The following TMEM79 variants were observed in gnomAD, a reference collection of about 807,000 sequenced individuals.
TMEM79 encodes mattrin.
Under a neutral mutation model 31.2 loss-of-function variants are expected in TMEM79, and 30 were observed. The ratio of observed to expected loss-of-function variants is 0.96; its 90% CI spans 0.72 to 1.30. The LOEUF is 1.30. Ranked by LOEUF, TMEM79 falls within the 50% of genes most tolerant of loss-of-function variation. The pLI is 0.00. For missense variants in TMEM79, 509 were observed against 528.2 expected (o/e 0.96, Z 0.36); for synonymous variants, 213 against 229.5 (o/e 0.93, Z 0.65).
At chr1:156,286,788 CT>C (rs1238589147) in intron 3 of TMEM79, among the ~76,000 whole-genome samples, 2 of 152,232 alleles carry the variant, frequency 1.3e-5, no homozygotes, top group African/African-American at 2.4e-5. Flanking sequence ...TGAACACCCC[CT>C]GTAACCAAAT....
rs1038202386 is a variant in TMEM79 at position 156,291,387 on chromosome 1, T to G, written c.974T>G (p.Leu325Arg). 1 of 1,613,990 alleles carries G rather than the reference T, an allele frequency of 6.2e-7. No individual in the cohort carries two copies. Among genetic ancestry groups the G allele is most frequent in the African/African-American group, 1.3e-5 (1 of 74,922 alleles). ...LLTGLFAVSR[L>R]IYWLTFAVGR... ...TGACCCTTTTCTTGCCCCCATAGGC[T>G]GATCTACTGGCTGACCTTTGCCGTG... Residue 325 changes from leucine (L) to arginine (R), a missense_variant and splice_region_variant, in exon 4 of 4, where the codon CTG (leucine) becomes CGG (arginine). Transcript: ENST00000405535.
In TMEM79 at chr1:156,285,927, C is replaced by A. The variant is rs1663145830; in HGVS notation, c.701C>A (p.Ser234Tyr). The A allele has an allele frequency of 6.2e-7, 1 of 1,604,672 alleles. No individual in the cohort carries two copies. Among genetic ancestry groups the A allele is most frequent in the African/African-American group, 1.3e-5 (1 of 74,214 alleles). Residue 234 changes from serine to tyrosine, a missense_variant, in exon 2 of 4, where the codon TCC becomes TAC. Physicochemically the swap from Ser to Tyr is moderately radical, Grantham distance 144 (BLOSUM62 -2). Transcript: ENST00000405535. ...GTCCCACGGCTGCCCACCATGAGTT[C>A]CCGCCTGATCTACACACTGCGCTGC... ...FDVPRLPTMS[S>Y]RLIYTLRCGV...
intron 2 of TMEM79, 88 bp downstream of exon 2, chr1:156,286,071 TCA>T (rs1241645593): frequency 2.4e-5 from 37 of 1,524,158 alleles, no homozygotes; most frequent in Non-Finnish European, 3.2e-5. Flanking sequence ...GGATTTCCCT[TCA>T]CTTGACCTGG....
In TMEM79 at chr1:156,285,285, A is replaced by G; in HGVS notation, c.59A>G (p.Lys20Arg). The G allele has an allele frequency of 6.4e-7, 1 of 1,571,742 alleles. No individual in the cohort carries two copies. The highest frequency in any genetic ancestry group is 8.6e-7 in the Non-Finnish European group (1 of 1,162,670). ...GTGAAGAGGTCTGATTCCCCAGAGAAGAGCTCACCCCAGGCCTTGGTTCCC... is the reference window on the plus strand; with the variant it reads ...GTGAAGAGGTCTGATTCCCCAGAGAGGAGCTCACCCCAGGCCTTGGTTCCC... ...LEVKRSDSPE[K>R]SSPQALVPNG... Residue 20 changes from lysine (K) to arginine (R), a missense_variant, in exon 2 of 4, where the codon AAG (lysine) becomes AGG (arginine). Transcript: ENST00000405535.
chr1:156,288,155 G>A (rs374097051), intron 3 of TMEM79, among the ~76,000 whole-genome samples: 29 of 146,670 alleles, frequency 2.0e-4, no homozygotes, highest in African/African-American at 5.8e-4. Context: ...CCGAGATAGC[G>A]CCACTGCAGT....
Position 156,285,617 on chromosome 1 carries a change from C to T in TMEM79, c.391C>T (p.Pro131Ser). Reference sequence around the variant, plus strand: ...TGAGAAAGCGGCCCGTGCCTTCGTGCCTATTGACCTACAGTGCATTGAGCG... The same window carrying T: ...TGAGAAAGCGGCCCGTGCCTTCGTGTCTATTGACCTACAGTGCATTGAGCG... ...LPEKAARAFV[P>S]IDLQCIERQP... The change falls in exon 2 of 4, where the codon CCT (proline) becomes TCT (serine). Residue 131 changes from proline to serine, a missense_variant. Physicochemically the swap from Pro to Ser is moderately conservative, Grantham distance 74 (BLOSUM62 -1). Transcript: ENST00000405535. 6.2e-7 allele frequency: 1 copy of T among 1,614,198 alleles called. No individual in the cohort carries two copies. Among genetic ancestry groups the T allele is most frequent in the Non-Finnish European group, 8.5e-7 (1 of 1,180,038 alleles).
At chr1:156,286,182 A>G (rs1218647185) in intron 2 of TMEM79, 78 bp from the exon 3 acceptor site, 1 of 1,473,292 alleles carries the variant, frequency 6.8e-7, no homozygotes, top group Non-Finnish European at 9.4e-7. Flanking sequence ...GCCCACAGTG[A>G]ATCTGCCCCC....
chr1:156,283,610 T>G (rs559929484), upstream of TMEM79, among the ~76,000 whole-genome samples: 1 of 152,352 alleles, frequency 6.6e-6, no homozygotes, highest in South Asian at 2.1e-4. Flanking sequence ...AAAACCTAAG[T>G]TAAAAAGCAA....
intron 1 of TMEM79, among the ~76,000 whole-genome samples, 191 bp downstream of exon 1, chr1:156,284,597 G>A (rs1284648763): frequency 6.6e-6 from 1 of 152,202 alleles, no homozygotes; most frequent in African/African-American, 2.4e-5. Context: ...TGCAGAGATG[G>A]ATGAGGTGGG....
intron 3 of TMEM79, 81 bp downstream of exon 3, chr1:156,286,554 G>T: frequency 6.9e-7 from 1 of 1,449,706 alleles, no homozygotes; most frequent in Non-Finnish European, 9.6e-7. Context: ...GAGAGCCAGG[G>T]TCAGGAGCTT....
intron 2 of TMEM79, 99 bp from the exon 3 acceptor site, chr1:156,286,161 G>A (rs1474864096): frequency 6.5e-6 from 9 of 1,393,066 alleles, no homozygotes; most frequent in Non-Finnish European, 9.0e-6. Flanking sequence ...ACTGTGTAGA[G>A]CCCATGCACT....
chr1:156,285,578 G>T lies in TMEM79; in HGVS notation c.352G>T (p.Ala118Ser). 2 of 1,614,222 alleles carry T rather than the reference G, an allele frequency of 1.2e-6. No individual in the cohort carries two copies. The highest frequency in any genetic ancestry group is 1.7e-6 in the Non-Finnish European group (2 of 1,180,046). The change falls in exon 2 of 4, where the codon GCC becomes TCC. Residue 118 changes from alanine (A) to serine (S), a missense_variant. Transcript: ENST00000405535. The part of the protein sequence containing the change: ...TKLEELPEDD[A>S]NLLPEKAARA... Reference sequence around the variant, plus strand: ...GCTAGAGGAGCTGCCCGAAGACGATGCCAACCTGCTGCCTGAGAAAGCGGC... The same window carrying T: ...GCTAGAGGAGCTGCCCGAAGACGATTCCAACCTGCTGCCTGAGAAAGCGGC...
At position 156,291,424 on chromosome 1, in the gene TMEM79, C is replaced by A. The variant is rs1344301626; in HGVS notation, c.1011C>A (p.Phe337Leu). The A allele has an allele frequency of 6.2e-7, 1 of 1,614,012 alleles. No homozygotes were observed. The highest frequency in any genetic ancestry group is 8.5e-7 in the Non-Finnish European group (1 of 1,180,040). ...TGACCTTTGCCGTGGGCCGCTCCTTCCGAGGCTTCGGCTACGGCCTGACGT... is the reference window on the plus strand; with the variant it reads ...TGACCTTTGCCGTGGGCCGCTCCTTACGAGGCTTCGGCTACGGCCTGACGT... ...YWLTFAVGRSFRGFGYGLTFL... is the reference protein window; with the variant it reads ...YWLTFAVGRSLRGFGYGLTFL... The change falls in exon 4 of 4, where the codon TTC becomes TTA. Residue 337 changes from phenylalanine (F) to leucine (L), a missense_variant. Coordinates refer to ENST00000405535, the MANE Select transcript of TMEM79 (RefSeq NM_032323.3).
chr1:156,291,721 C>A lies in TMEM79; in HGVS notation c.*123C>A. 1.2e-6 allele frequency: 1 copy of A among 821,736 alleles called. No individual in the cohort carries two copies. The highest frequency in any genetic ancestry group is 2.0e-6 in the Non-Finnish European group (1 of 503,052). 50.9% of individuals were successfully genotyped at this position (821,736 alleles called of 1,614,324 possible). Reference sequence around the variant, plus strand: ...GACCGCGGTGGGTGGAACCCTGCTACTGCCCCAACAGGGACTCCAATCAAT... The same window carrying A: ...GACCGCGGTGGGTGGAACCCTGCTAATGCCCCAACAGGGACTCCAATCAAT... On this transcript the variant is annotated 3_prime_UTR_variant, in exon 4 of 4. Coordinates refer to ENST00000405535, the MANE Select transcript of TMEM79 (RefSeq NM_032323.3).
intron 1 of TMEM79, 116 bp from the exon 2 acceptor site, chr1:156,285,068 C>A: frequency 1.2e-6 from 1 of 804,614 alleles, no homozygotes; most frequent in Non-Finnish European, 1.8e-6. Context: ...CCCTAAGGCT[C>A]CAGAAGGGGC....
In TMEM79 at chr1:156,285,531, C is replaced by G; in HGVS notation, c.305C>G (p.Pro102Arg). 1 of 1,614,214 alleles carries G rather than the reference C, an allele frequency of 6.2e-7. No homozygotes were observed. The highest frequency in any genetic ancestry group is 8.5e-7 in the Non-Finnish European group (1 of 1,180,036). ...TGGCGGGACATTGAACCAGAGCCCC[C>G]TGAGTCAGAACCACTTACCAAGCTA... Reference protein sequence around the residue: ...PGWRDIEPEPPESEPLTKLEE... With the variant: ...PGWRDIEPEPRESEPLTKLEE... The change falls in exon 2 of 4, where the codon CCT becomes CGT. Residue 102 changes from proline (P) to arginine (R), a missense_variant. Physicochemically the swap from Pro to Arg is moderately radical, Grantham distance 103. Transcript: ENST00000405535.
intron 2 of TMEM79, 134 bp downstream of exon 2, chr1:156,286,117 C>T: frequency 7.2e-7 from 1 of 1,395,920 alleles, no homozygotes; most frequent in Non-Finnish European, 9.8e-7. Flanking sequence ...TGCCAGTCTG[C>T]ATGCCCATCT....
At position 156,292,019 on chromosome 1, in the gene TMEM79, T is replaced by A; in HGVS notation, c.*421T>A. The A allele has an allele frequency of 2.5e-6, 1 of 393,094 alleles. No homozygotes were observed. The highest frequency in any genetic ancestry group is 4.7e-5 in the South Asian group (1 of 21,252). The allele number at this position is 393,094 out of a possible 1,614,324, so 24.4% of individuals were successfully genotyped here. On this transcript the variant is annotated 3_prime_UTR_variant, in exon 4 of 4. Transcript: ENST00000405535. ...ACAGCCAAGGCCCTGACCACTTCTGTGCCAGTTGTCTAAGCAGAGCGCCTC... is the reference window on the plus strand; with the variant it reads ...ACAGCCAAGGCCCTGACCACTTCTGAGCCAGTTGTCTAAGCAGAGCGCCTC...
chr1:156,285,219 G>A lies in TMEM79; in HGVS notation c.-8G>A. The A allele has an allele frequency of 2.0e-6, 3 of 1,524,360 alleles. No homozygotes were observed. The highest frequency in any genetic ancestry group is 2.6e-6 in the Non-Finnish European group (3 of 1,139,506). The allele number at this position is 1,524,360 out of a possible 1,614,324, so 94.4% of individuals were successfully genotyped here. A position where few individuals can be genotyped will look rare whatever the true frequency, so the allele number is the denominator to read the frequency against. On this transcript the variant is annotated 5_prime_UTR_variant, in exon 2 of 4. Coordinates refer to ENST00000405535, the MANE Select transcript of TMEM79 (RefSeq NM_032323.3). ...CCTTGTGGTAGATCCCAGAACTGAG[G>A]CCCCAGGATGACAGAACAGGAGACC...
Sources: allele counts gnomAD v4.1 joint callset (sites outside exome capture counted in the v4.1 genomes callset), GRCh38; gene constraint gnomAD v4.1.1; transcripts MANE v1.5; gene names NCBI Gene and HGNC (gene_info 2026-07-23, HGNC 2026-07-21).